The following KCNU1 variants were observed in gnomAD, a reference collection of about 807,000 sequenced individuals.
The protein encoded by KCNU1 is potassium calcium-activated channel subfamily U member 1, also known as potassium channel subfamily U member 1.
A neutral mutation model predicts 126.8 loss-of-function variants in KCNU1; 93 were observed. The ratio of observed to expected loss-of-function variants is 0.73; its 90% CI spans 0.62 to 0.87. KCNU1 has a LOEUF of 0.87. Ranked by LOEUF, KCNU1 falls within the 40% of genes least tolerant of loss-of-function variation. The pLI is 0.00. For missense variants in KCNU1, 1,330 were observed against 1,367.1 expected (o/e 0.97, Z 0.43); for synonymous variants, 523 against 494.2 (o/e 1.06, Z -0.77).
chr8:36,805,560 T>A (rs1331126118), intron 4 of KCNU1, among the ~76,000 whole-genome samples: 1 of 152,170 alleles, frequency 6.6e-6, no homozygotes, highest in African/African-American at 2.4e-5. Flanking sequence ...TGGCTTCCCA[T>A]CTTTACTAAT....
chr8:36,894,135 G>C (rs1459636605), intron 19 of KCNU1, among the ~76,000 whole-genome samples: 1 of 152,052 alleles, frequency 6.6e-6, no homozygotes, highest in Non-Finnish European at 1.5e-5. Context: ...TTCTAGATTA[G>C]AAGTCAAAAT....
intron 22 of KCNU1, among the ~76,000 whole-genome samples, chr8:36,912,169 G>A (rs1807900061): frequency 6.6e-6 from 1 of 152,128 alleles, no homozygotes; most frequent in Non-Finnish European, 1.5e-5. Flanking sequence ...CACTTGAAGA[G>A]GTTAGCATTT....
intron 16 of KCNU1, among the ~76,000 whole-genome samples, chr8:36,843,298 G>A (rs1805023030): frequency 6.6e-6 from 1 of 152,186 alleles, no homozygotes; most frequent in Non-Finnish European, 1.5e-5. Context: ...TGGAAACAGA[G>A]ATTTAACTTT....
In KCNU1 at chr8:36,845,293, A is replaced by G. The variant is rs79946719; in HGVS notation, c.1704-287A>G. On this transcript the variant is annotated intron_variant, in intron 16 of 26. Transcript: ENST00000399881. ...GTTGTGCACCTGAGTTGGTCGGACC[A>G]TCTCAGATGCATGACAGAATCCGGG... Among the ~76,000 whole-genome samples the G allele has an allele frequency of 1.9e-3, 293 of 152,324 alleles. 2 individuals are homozygous for G. The highest frequency in any genetic ancestry group is 6.7e-3 in the African/African-American group (277 of 41,576).
intron 15 of KCNU1, among the ~76,000 whole-genome samples, 176 bp from the exon 16 acceptor site, chr8:36,840,756 T>C (rs559836615): frequency 1.3e-5 from 2 of 152,310 alleles, no homozygotes; most frequent in South Asian, 4.1e-4. Flanking sequence ...TCTGTCCCAG[T>C]TGGTGCAGTG....
chr8:36,804,821 G>C (rs897706387), intron 3 of KCNU1, among the ~76,000 whole-genome samples: 2 of 152,146 alleles, frequency 1.3e-5, no homozygotes, highest in African/African-American at 4.8e-5. Flanking sequence ...ATTTGATCTA[G>C]AGTATCTCTG....
chr8:36,886,691 G>A (rs1291719793), intron 19 of KCNU1, among the ~76,000 whole-genome samples: 1 of 152,050 alleles, frequency 6.6e-6, no homozygotes, highest in Admixed American at 6.6e-5. Flanking sequence ...TGGTTTTTTG[G>A]TTATATGGAT....
At chr8:36,894,120 C>T (rs1022923935) in intron 19 of KCNU1, among the ~76,000 whole-genome samples, 2 of 152,062 alleles carry the variant, frequency 1.3e-5, no homozygotes, top group Non-Finnish European at 2.9e-5. Context: ...TGATGTCAGG[C>T]TGCTTTCTAG....
intron 16 of KCNU1, among the ~76,000 whole-genome samples, chr8:36,842,820 G>C (rs1483950863): frequency 6.6e-6 from 1 of 152,072 alleles, no homozygotes; most frequent in East Asian, 1.9e-4. Flanking sequence ...ACAGGTGTGT[G>C]CACCACACCC....
intron 19 of KCNU1, among the ~76,000 whole-genome samples, chr8:36,892,581 T>C (rs1025826356): frequency 3.3e-5 from 5 of 149,406 alleles, no homozygotes; most frequent in Admixed American, 6.9e-5. Flanking sequence ...TAAATAATAT[T>C]ATATGACAAC....
At chr8:36,892,966 C>A (rs1224692927) in intron 19 of KCNU1, among the ~76,000 whole-genome samples, 5 of 151,742 alleles carry the variant, frequency 3.3e-5, no homozygotes, top group African/African-American at 7.3e-5. Context: ...CTGTTATTTT[C>A]TTTTGTTTTA....
intron 19 of KCNU1, among the ~76,000 whole-genome samples, chr8:36,869,141 C>G (rs1806012149): frequency 6.6e-6 from 1 of 152,084 alleles, no homozygotes; most frequent in East Asian, 1.9e-4. Flanking sequence ...CTAATAACAC[C>G]ATAACCACAA....
At chr8:36,886,816 A>G (rs894630768) in intron 19 of KCNU1, among the ~76,000 whole-genome samples, 4 of 152,102 alleles carry the variant, frequency 2.6e-5, no homozygotes, top group Non-Finnish European at 1.5e-5. Flanking sequence ...CCCCCTTCTG[A>G]ATCTTCAGTA....
chr8:36,850,453 A>T (rs950455404), intron 18 of KCNU1, among the ~76,000 whole-genome samples: 9 of 135,156 alleles, frequency 6.7e-5, no homozygotes, highest in African/African-American at 2.1e-4. Context: ...AAAATCGGTG[A>T]TCTTTTTTTT....
intron 1 of KCNU1, among the ~76,000 whole-genome samples, chr8:36,786,002 CT>C (rs1394082490): frequency 2.0e-5 from 3 of 151,598 alleles, no homozygotes; most frequent in Non-Finnish European, 4.4e-5. Flanking sequence ...GCTTTTGAAT[CT>C]TGAGGAAAGA....
intron 10 of KCNU1, among the ~76,000 whole-genome samples, chr8:36,820,967 G>A (rs1454674090): frequency 1.3e-5 from 2 of 152,146 alleles, no homozygotes; most frequent in Non-Finnish European, 2.9e-5. Flanking sequence ...GACTTTTAAA[G>A]CATGACATGA....
chr8:36,823,020 T>C (rs1202291797), intron 10 of KCNU1, among the ~76,000 whole-genome samples: 1 of 152,142 alleles, frequency 6.6e-6, no homozygotes, highest in Non-Finnish European at 1.5e-5. Flanking sequence ...GTACTTGAAA[T>C]GTGAAAATCA....
chr8:36,915,947 G>A (rs1808084388), intron 22 of KCNU1, among the ~76,000 whole-genome samples: 1 of 151,420 alleles, frequency 6.6e-6, no homozygotes, highest in Non-Finnish European at 1.5e-5. Flanking sequence ...GAGGGAGGAG[G>A]AAAAGAGGAG....
At chr8:36,847,460 G>A (rs374843916) in intron 18 of KCNU1, among the ~76,000 whole-genome samples, 8 of 152,188 alleles carry the variant, frequency 5.3e-5, no homozygotes, top group African/African-American at 1.7e-4. Context: ...CTGTCCAGCT[G>A]TAACATTGCA....
Sources: gnomAD v4.1 joint callset for allele counts (sites outside exome capture counted in the v4.1 genomes callset) on GRCh38, gnomAD v4.1.1 for gene constraint, MANE v1.5 for transcripts, NCBI Gene and HGNC (gene_info 2026-07-23, HGNC 2026-07-21) for gene names.